Variants in SMARCA2 observed in about 807,000 individuals in gnomAD.
The protein encoded by SMARCA2 is SWI/SNF related BAF chromatin remodeling complex subunit ATPase 2.
A neutral mutation model predicts 199.8 loss-of-function variants in SMARCA2; 61 were observed. That is an observed-to-expected ratio of 0.31 (90% CI 0.25 to 0.38). SMARCA2 has a LOEUF of 0.38. SMARCA2 is among the 10% of genes least tolerant of loss of function. The pLI, the probability that SMARCA2 is intolerant of heterozygous loss-of-function variation, is 1.00. For synonymous variants in SMARCA2, 935 were observed against 732.0 expected, an observed-to-expected ratio of 1.28 and a Z score of -4.48; for missense variants, 1,344 against 2,012.2, an observed-to-expected ratio of 0.67 and a Z score of 6.35.
At chr9:2,080,566 C>T (rs1216776451) in intron 14 of SMARCA2, among the ~76,000 whole-genome samples, 1 of 152,258 alleles carries the variant, frequency 6.6e-6, no homozygotes, top group East Asian at 1.9e-4. Context: ...TCCTGTCTAC[C>T]ACTGTTTGTT....
intron 27 of SMARCA2, among the ~76,000 whole-genome samples, chr9:2,159,211 A>G (rs924850790): frequency 9.2e-5 from 14 of 151,954 alleles, no homozygotes; most frequent in Non-Finnish European, 1.6e-4. Flanking sequence ...CCTTTTTACA[A>G]CTCCCCCCAA....
chr9:2,117,892 C>G lies in SMARCA2; in HGVS notation c.3685-1566C>G, dbSNP rs1404605358. Among the ~76,000 whole-genome samples the G allele has an allele frequency of 2.0e-5, 3 of 152,220 alleles. No homozygotes were observed. The East Asian group carries it at 5.8e-4, about 29-fold the overall frequency. ...CCTGATGTAAAGATGTTTGAAAACA[C>G]TGAGAGACTGCAGTCAAAGACTCTG... is the stretch of plus-strand genomic sequence containing the variant. On this transcript the variant is annotated intron_variant, in intron 25 of 33. Coordinates refer to ENST00000349721, the MANE Select transcript of SMARCA2 (RefSeq NM_003070.5).
chr9:2,096,293 A>C (rs1822271149), intron 19 of SMARCA2, among the ~76,000 whole-genome samples: 1 of 152,258 alleles, frequency 6.6e-6, no homozygotes, highest in East Asian at 1.9e-4. Flanking sequence ...TTCATAGGAA[A>C]GGAAGTATAA....
intron 14 of SMARCA2, among the ~76,000 whole-genome samples, chr9:2,081,288 G>A (rs1293329393): frequency 6.6e-6 from 1 of 152,164 alleles, no homozygotes; most frequent in Non-Finnish European, 1.5e-5. Context: ...CCTTTGGGTA[G>A]TACTCACATT....
At chr9:2,141,853 T>A (rs1302245573) in intron 27 of SMARCA2, among the ~76,000 whole-genome samples, 1 of 152,226 alleles carries the variant, frequency 6.6e-6, no homozygotes, top group Middle Eastern at 3.2e-3. Context: ...GCTGATCTCC[T>A]GGCTTGTGAA....
At chr9:2,038,941 A>G (rs1297334442) in intron 3 of SMARCA2, among the ~76,000 whole-genome samples, 2 of 152,234 alleles carry the variant, frequency 1.3e-5, no homozygotes, top group African/African-American at 4.8e-5. Flanking sequence ...ATTGAGATAT[A>G]TCAGGTTATG....
intron 29 of SMARCA2, among the ~76,000 whole-genome samples, chr9:2,178,888 G>A (rs557987782): frequency 6.6e-6 from 1 of 152,314 alleles, no homozygotes; most frequent in Non-Finnish European, 1.5e-5. Context: ...GGGAGGGAGG[G>A]GGATGAGTTT....
chr9:2,153,070 A>G (rs1825161577), intron 27 of SMARCA2, among the ~76,000 whole-genome samples: 1 of 152,110 alleles, frequency 6.6e-6, no homozygotes, highest in Admixed American at 6.6e-5. Context: ...AAACAACCAA[A>G]AAAACAAAGT....
intron 27 of SMARCA2, among the ~76,000 whole-genome samples, chr9:2,137,431 G>C (rs939577442): frequency 6.6e-6 from 1 of 152,078 alleles, no homozygotes; most frequent in African/African-American, 2.4e-5. Context: ...CCACCTCCTT[G>C]CCTTCATCTC....
At chr9:2,022,290 G>A (rs1434067180) in intron 1 of SMARCA2, among the ~76,000 whole-genome samples, 1 of 152,182 alleles carries the variant, frequency 6.6e-6, no homozygotes, top group Non-Finnish European at 1.5e-5. Context: ...CGAGCATATA[G>A]TAGCTCACAA....
intron 1 of SMARCA2, among the ~76,000 whole-genome samples, chr9:2,019,023 C>A (rs1818485365): frequency 6.6e-6 from 1 of 152,038 alleles, no homozygotes; most frequent in East Asian, 1.9e-4. Flanking sequence ...TTCTCTTGGA[C>A]TTTCTTTCTT....
At position 2,017,443 on chromosome 9, in the gene SMARCA2, CGGCTCGGGCA is replaced by C. The variant is rs1818405657; in HGVS notation, c.-37+2041_-37+2050del. 2.0e-5 allele frequency: 3 copies of C among 151,832 alleles called. No homozygotes were observed. The allele number at this position is 151,832 out of a possible 1,614,324, so 9.4% of individuals were successfully genotyped here. On this transcript the variant is annotated intron_variant, in intron 1 of 33. Coordinates refer to ENST00000349721, the MANE Select transcript of SMARCA2 (RefSeq NM_003070.5). The surrounding 1 kb of genome is among the most constrained non-coding windows in gnomAD (Gnocchi z 8.8). ...GCAGGAGCCAGTGCGTCGGGAGCAG[CGGCTCGGGCA>C]GCTGCTCCTGCCCGCACCCTCCCCT...
At chr9:2,148,849 G>C (rs1460153018) in intron 27 of SMARCA2, among the ~76,000 whole-genome samples, 1 of 151,312 alleles carries the variant, frequency 6.6e-6, no homozygotes, top group Non-Finnish European at 1.5e-5. Flanking sequence ...AGAGCACTTT[G>C]TGTTTGTCTC....
intron 27 of SMARCA2, chr9:2,160,085 C>A: frequency 4.0e-6 from 3 of 747,814 alleles, no homozygotes; most frequent in Non-Finnish European, 6.2e-6. Flanking sequence ...TTATTATTAG[C>A]ATGTTCAGCC....
At chr9:2,024,801 A>G (rs1156489141) in intron 1 of SMARCA2, among the ~76,000 whole-genome samples, 1 of 152,204 alleles carries the variant, frequency 6.6e-6, no homozygotes, top group Non-Finnish European at 1.5e-5. Context: ...CCTGTTGCAG[A>G]TGTTACTTTG....
At chr9:2,160,661 G>A in intron 27 of SMARCA2, 1 of 609,366 alleles carries the variant, frequency 1.6e-6, no homozygotes. Context: ...TACGAGAAAG[G>A]ATTGATTATC....
In SMARCA2 at chr9:2,073,638, C is replaced by G. The variant is rs373752841; in HGVS notation, c.1935+15C>G. 2 of 1,589,532 alleles carry G rather than the reference C, an allele frequency of 1.3e-6. No individual in the cohort carries two copies. Among genetic ancestry groups the G allele is most frequent in the Non-Finnish European group, 1.7e-6 (2 of 1,158,132 alleles). On this transcript the variant is annotated intron_variant, in intron 12 of 33. Transcript: ENST00000349721. ...ATGAGGAAGAGGTATGTATGTATCT[C>G]TGTTTGGGGTTTATTGGTTTGAAAG...
At chr9:2,026,499 G>T (rs576957953) in intron 1 of SMARCA2, among the ~76,000 whole-genome samples, 2 of 152,134 alleles carry the variant, frequency 1.3e-5, no homozygotes, top group African/African-American at 4.8e-5. Context: ...ATTCCCAGGT[G>T]GAAATGATAA....
intron 27 of SMARCA2, chr9:2,160,962 G>C: frequency 4.7e-6 from 1 of 214,604 alleles, no homozygotes; most frequent in Non-Finnish European, 9.2e-6. Flanking sequence ...TTTTATACCT[G>C]GTTGTTTTTA....
Sources: allele counts gnomAD v4.1 joint callset (sites outside exome capture counted in the v4.1 genomes callset), GRCh38; gene constraint gnomAD v4.1.1; non-coding constraint Gnocchi (gnomAD v3.1); transcripts MANE v1.5; gene names NCBI Gene and HGNC (gene_info 2026-07-23, HGNC 2026-07-21).